MTFR1: variants seen among roughly 807,000 people sequenced by gnomAD.
The protein encoded by MTFR1 is chondrocyte protein with a poly-proline region.
MTFR1 carries 28 observed loss-of-function variants against 38.8 expected under a neutral mutation model. That is an observed-to-expected ratio of 0.72 (90% CI 0.53 to 0.99). The LOEUF (loss-of-function observed/expected upper bound fraction) is 0.99, where lower values mean the gene tolerates loss of function less well. Among genes scored for constraint, MTFR1 ranks in the 50% least tolerant of loss-of-function variants. The probability of loss-of-function intolerance (pLI) is 0.00; values close to 1 mark genes in which losing one functional copy is unlikely to be tolerated. For missense variants in MTFR1, 358 were observed against 395.5 expected, an observed-to-expected ratio of 0.91 and a Z score of 0.81; for synonymous variants, 145 against 137.0, an observed-to-expected ratio of 1.06 and a Z score of -0.41.
intron 3 of MTFR1, among the ~76,000 whole-genome samples, chr8:65,730,992 A>C (rs1806861580): frequency 1.3e-5 from 2 of 152,202 alleles, no homozygotes; most frequent in Non-Finnish European, 2.9e-5. Context: ...CCAATGATAA[A>C]GCCCATATAC....
At chr8:65,672,806 A>T (rs529024476) in intron 2 of MTFR1, among the ~76,000 whole-genome samples, 10 of 152,132 alleles carry the variant, frequency 6.6e-5, no homozygotes, top group African/African-American at 2.4e-4. Flanking sequence ...GCTAGCTTCA[A>T]CTTTTCTTTT....
At chr8:65,655,928 C>A in intron 1 of MTFR1, among the ~76,000 whole-genome samples, 2 of 47,832 alleles carry the variant, frequency 4.2e-5, no homozygotes, top group African/African-American at 9.4e-5. Flanking sequence ...GGTGACAGAG[C>A]AAGACTCTGT....
rs1404535425 is a variant in MTFR1 at position 65,697,075 on chromosome 8, C to T, written c.281+3316C>T. ...TCTCAGCTCACTGCAACCTCTACCTCCTAGGTTCAAGTGATTCCCCTGCCT... is the reference window on the plus strand; with the variant it reads ...TCTCAGCTCACTGCAACCTCTACCTTCTAGGTTCAAGTGATTCCCCTGCCT... On this transcript the variant is annotated intron_variant, in intron 4 of 7. Coordinates refer to ENST00000262146, the MANE Select transcript of MTFR1 (RefSeq NM_014637.4). Among the ~76,000 whole-genome samples the T allele has an allele frequency of 9.3e-5, 14 of 150,110 alleles. 1 individual carries two copies. Among genetic ancestry groups the T allele is most frequent in the African/African-American group, 2.7e-4 (11 of 40,822 alleles).
intron 2 of MTFR1, among the ~76,000 whole-genome samples, chr8:65,670,467 TA>T (rs1475835663): frequency 1.3e-5 from 2 of 152,204 alleles, no homozygotes; most frequent in Non-Finnish European, 2.9e-5. Flanking sequence ...AAAGTTACTA[TA>T]ATGATTGTTC....
At chr8:65,767,716 T>TG (rs2128918495) in intron 3 of MTFR1, among the ~76,000 whole-genome samples, 1 of 152,276 alleles carries the variant, frequency 6.6e-6, no homozygotes, top group Non-Finnish European at 1.5e-5. Flanking sequence ...TAGAGTTTCT[T>TG]GGAGGGTGGC....
rs1805892180 is a variant in MTFR1 at position 65,709,783 on chromosome 8, G to C, written c.*739G>C. The stretch of plus-strand genomic sequence containing the variant: ...TCCAGTAGTGATGAATCAAATTATT[G>C]AATTAAATTTCTTCTTAAGAAGTAA... On this transcript the variant is annotated 3_prime_UTR_variant, in exon 8 of 8. Coordinates refer to ENST00000262146, the MANE Select transcript of MTFR1 (RefSeq NM_014637.4). 1 of 152,624 alleles carries C rather than the reference G, an allele frequency of 6.6e-6. No homozygotes were observed. The highest frequency in any genetic ancestry group is 6.5e-5 in the Admixed American group (1 of 15,274). 9.5% of individuals were successfully genotyped at this position (152,624 alleles called of 1,614,324 possible). A position where few individuals can be genotyped will look rare whatever the true frequency, so the allele number is the denominator to read the frequency against.
intron 3 of MTFR1, among the ~76,000 whole-genome samples, chr8:65,742,496 C>T (rs78416949): frequency 0.02 from 3,046 of 152,322 alleles, 31 homozygotes; most frequent in Admixed American, 0.021. Flanking sequence ...TTTGCTTCCT[C>T]CTCTGCCTTG....
intron 3 of MTFR1, among the ~76,000 whole-genome samples, chr8:65,684,786 C>T (rs1349354905): frequency 6.6e-6 from 1 of 151,712 alleles, no homozygotes; most frequent in Non-Finnish European, 1.5e-5. Context: ...GGGTGGATCA[C>T]CTGAGGTTGG....
chr8:65,704,934 G>C lies in MTFR1; in HGVS notation c.517+5G>C. 6.4e-7 allele frequency: 1 copy of C among 1,568,730 alleles called. No homozygotes were observed. The highest frequency in any genetic ancestry group is 8.7e-7 in the Non-Finnish European group (1 of 1,152,772). On this transcript the variant is annotated splice_donor_5th_base_variant and intron_variant, in intron 5 of 7. Coordinates refer to ENST00000262146, the MANE Select transcript of MTFR1 (RefSeq NM_014637.4). ...AGCAGCAAAATCTCACTGCAGGTCT[G>C]TAAGTCCTACATTTGTTAGTTTTAA...
chr8:65,649,791 C>CT (rs1390848338), intron 1 of MTFR1, among the ~76,000 whole-genome samples: 1 of 151,460 alleles, frequency 6.6e-6, no homozygotes. Context: ...CATCTCCCCC[C>CT]ACCCCCCCAC....
At chr8:65,687,107 T>C (rs1805108031) in intron 3 of MTFR1, among the ~76,000 whole-genome samples, 1 of 152,134 alleles carries the variant, frequency 6.6e-6, no homozygotes, top group African/African-American at 2.4e-5. Context: ...CTATTCTAAG[T>C]GTGTTACGTA....
intron 3 of MTFR1, among the ~76,000 whole-genome samples, chr8:65,683,782 C>G (rs938355962): frequency 6.6e-6 from 1 of 150,722 alleles, no homozygotes; most frequent in African/African-American, 2.4e-5. Context: ...ATCTCTGCCT[C>G]CCTAAGTGCT....
At chr8:65,686,837 T>C (rs1260601738) in intron 3 of MTFR1, among the ~76,000 whole-genome samples, 1 of 150,514 alleles carries the variant, frequency 6.6e-6, no homozygotes, top group African/African-American at 2.5e-5. Context: ...GCAGGAAGAA[T>C]TGCCTGAACC....
chr8:65,655,021 C>T (rs1392486990), intron 1 of MTFR1, among the ~76,000 whole-genome samples: 1 of 152,186 alleles, frequency 6.6e-6, no homozygotes, highest in Non-Finnish European at 1.5e-5. Flanking sequence ...ACTTTATTTG[C>T]TTCTACTGAT....
chr8:65,706,953 G>C, intron 5 of MTFR1, 57 bp from the exon 6 acceptor site: 1 of 1,514,900 alleles, frequency 6.6e-7, no homozygotes. Context: ...TTTAAAAACT[G>C]ATATTTTCTT....
At chr8:65,694,420 A>G (rs1294158047) in intron 4 of MTFR1, among the ~76,000 whole-genome samples, 1 of 152,058 alleles carries the variant, frequency 6.6e-6, no homozygotes, top group Non-Finnish European at 1.5e-5. Context: ...CATGTTGCCT[A>G]GGCTAGTCTG....
At position 65,645,692 on chromosome 8, in the gene MTFR1, TCCC is replaced by T. The variant is rs1554544273; in HGVS notation, c.-81+920_-81+922del. On this transcript the variant is annotated intron_variant, in intron 1 of 7. Transcript: ENST00000262146. ...AGGCAGGCGCCATCACGCCCGGCTT[TCCC>T]CCCCCCCCCCCTTTGTAGAGATGGG... is the stretch of plus-strand genomic sequence containing the variant. Among the ~76,000 whole-genome samples the T allele has an allele frequency of 2.9e-3, 238 of 83,166 alleles. 12 individuals are homozygous for T. The highest frequency in any genetic ancestry group is 0.011 in the African/African-American group (211 of 19,746). 54.6% of individuals were successfully genotyped at this position (83,166 alleles called of 152,430 possible). A position where few individuals can be genotyped will look rare whatever the true frequency, so the allele number is the denominator to read the frequency against.
chr8:65,747,883 T>A, intron 3 of MTFR1: 1 of 729,144 alleles, frequency 1.4e-6, no homozygotes, highest in Non-Finnish European at 2.2e-6. Context: ...CTTTTAGTTA[T>A]GTACAAGTAT....
At chr8:65,740,351 T>C (rs1045334271) in intron 3 of MTFR1, among the ~76,000 whole-genome samples, 9 of 152,126 alleles carry the variant, frequency 5.9e-5, no homozygotes, top group African/African-American at 2.2e-4. Flanking sequence ...ATCCACCCCC[T>C]CATTCTCCAC....
Sources: gnomAD v4.1 joint callset for allele counts (sites outside exome capture counted in the v4.1 genomes callset) on GRCh38, gnomAD v4.1.1 for gene constraint, MANE v1.5 for transcripts, NCBI Gene and HGNC (gene_info 2026-07-23, HGNC 2026-07-21) for gene names.